The following FGGY variants were observed in gnomAD, a reference collection of about 807,000 sequenced individuals.
The protein encoded by FGGY is FGGY carbohydrate kinase domain-containing protein.
In FGGY, 72 loss-of-function variants were observed where a neutral mutation model predicts 71.3. The observed-to-expected ratio is 1.01, with a 90% CI of 0.84 to 1.23. The LOEUF is 1.23. Among genes scored for constraint, FGGY ranks in the 50% most tolerant of loss-of-function variants. FGGY has a pLI of 0.00. For synonymous variants in FGGY, 251 were observed against 250.3 expected (o/e 1.00, Z -0.02); for missense variants, 668 against 682.3 (o/e 0.98, Z 0.23).
chr1:59,423,380 G>A (rs1021711249), intron 5 of FGGY, among the ~76,000 whole-genome samples: 21 of 152,062 alleles, frequency 1.4e-4, no homozygotes, highest in Admixed American at 1.0e-3. Flanking sequence ...TTGTGCCAAC[G>A]TGGACACCAT....
At chr1:59,483,068 A>T (rs1386719237) in intron 6 of FGGY, among the ~76,000 whole-genome samples, 1 of 152,138 alleles carries the variant, frequency 6.6e-6, no homozygotes, top group African/African-American at 2.4e-5. Context: ...GTTCCCAGCC[A>T]CACTTTGAGA....
intron 5 of FGGY, among the ~76,000 whole-genome samples, chr1:59,440,148 G>C (rs1022264201): frequency 4.0e-5 from 6 of 149,292 alleles, no homozygotes; most frequent in Non-Finnish European, 8.9e-5. Context: ...ATTGAATTTA[G>C]GCCATTTTTT....
chr1:59,631,439 G>A (rs894036449), intron 10 of FGGY, among the ~76,000 whole-genome samples: 2 of 152,174 alleles, frequency 1.3e-5, no homozygotes, highest in African/African-American at 4.8e-5. Context: ...AAAGGAAAGT[G>A]CATCTGTGTC....
intron 9 of FGGY, among the ~76,000 whole-genome samples, chr1:59,615,963 C>G (rs929873026): frequency 1.2e-4 from 19 of 152,120 alleles, no homozygotes; most frequent in Admixed American, 1.1e-3. Context: ...TCTCACACCA[C>G]TTAGAATGGC....
chr1:59,638,191 A>G (rs2096980988), intron 10 of FGGY, 37 bp from the exon 11 acceptor site: 1 of 1,602,800 alleles, frequency 6.2e-7, no homozygotes. Context: ...CCCTGACCCT[A>G]TCCCCCCTTT....
chr1:59,381,931 T>G (rs1014651764), intron 5 of FGGY, among the ~76,000 whole-genome samples: 5 of 152,068 alleles, frequency 3.3e-5, no homozygotes, highest in Non-Finnish European at 7.4e-5. Context: ...ACAGAGTGAG[T>G]GTATGTGTGG....
chr1:59,362,442 A>G (rs2055747805), intron 4 of FGGY, among the ~76,000 whole-genome samples: 1 of 152,194 alleles, frequency 6.6e-6, no homozygotes, highest in Non-Finnish European at 1.5e-5. Flanking sequence ...GGTGGCTCCC[A>G]TTCTTTTCTG....
chr1:59,697,043 G>C (rs567433263), intron 14 of FGGY, among the ~76,000 whole-genome samples: 1 of 152,114 alleles, frequency 6.6e-6, no homozygotes, highest in South Asian at 2.1e-4. Context: ...AAGTGGCGAG[G>C]AAATACCACA....
At position 59,683,589 on chromosome 1, in the gene FGGY, T is replaced by A. The variant is rs1291922616; in HGVS notation, c.1512+9456T>A. Among the ~76,000 whole-genome samples, 3 of 152,206 alleles carry A rather than the reference T, an allele frequency of 2.0e-5. No individual in the cohort carries two copies. The East Asian group carries it at 5.8e-4, about 29-fold the overall frequency. ...GAGATGAATTCAGTTTGTTTCTAAG[T>A]GGCTGTTGTCTGTTGCCATCTCTTT... is the stretch of plus-strand genomic sequence containing the variant. On this transcript the variant is annotated intron_variant, in intron 14 of 15. Transcript: ENST00000303721.
intron 4 of FGGY, among the ~76,000 whole-genome samples, chr1:59,374,195 A>C (rs2058235584): frequency 1.3e-5 from 2 of 152,248 alleles, no homozygotes; most frequent in African/African-American, 4.8e-5. Flanking sequence ...ATGAACTCAA[A>C]CAAATTTACA....
chr1:59,591,500 G>C (rs1227439752), intron 8 of FGGY, among the ~76,000 whole-genome samples: 1 of 148,608 alleles, frequency 6.7e-6, no homozygotes, highest in African/African-American at 2.5e-5. Flanking sequence ...TAAGCCAAAA[G>C]AACAAACTGG....
At chr1:59,370,076 C>T (rs568495966) in intron 4 of FGGY, among the ~76,000 whole-genome samples, 13 of 152,186 alleles carry the variant, frequency 8.5e-5, no homozygotes, top group East Asian at 1.9e-4. Context: ...ATGACTTTGA[C>T]GAGTTGAGAG....
chr1:59,542,843 A>G (rs11577233), intron 7 of FGGY, among the ~76,000 whole-genome samples: 25,415 of 152,032 alleles, frequency 0.17, 2,526 homozygotes, highest in South Asian at 0.34. Context: ...GGTCATGTAA[A>G]TGGTGATATC....
At chr1:59,585,795 A>G (rs898111961) in intron 8 of FGGY, among the ~76,000 whole-genome samples, 3 of 152,226 alleles carry the variant, frequency 2.0e-5, no homozygotes, top group African/African-American at 7.2e-5. Flanking sequence ...AATATCCAGA[A>G]TCTACAAAGA....
chr1:59,318,368 G>C (rs529462294), intron 1 of FGGY, among the ~76,000 whole-genome samples: 4 of 152,286 alleles, frequency 2.6e-5, no homozygotes, highest in African/African-American at 7.2e-5. Flanking sequence ...CTGTATGCCA[G>C]GCACTGGGCT....
intron 7 of FGGY, among the ~76,000 whole-genome samples, chr1:59,519,721 A>G (rs980093591): frequency 6.6e-6 from 1 of 152,240 alleles, no homozygotes; most frequent in Admixed American, 6.5e-5. Flanking sequence ...TCTACCTGAT[A>G]CTGCTCAGAC....
chr1:59,691,380 G>T (rs896920339), intron 14 of FGGY, among the ~76,000 whole-genome samples: 3 of 152,134 alleles, frequency 2.0e-5, no homozygotes, highest in Admixed American at 2.0e-4. Flanking sequence ...GCACGGAGGG[G>T]TGTCAGCTCA....
Position 59,622,325 on chromosome 1 carries a change from G to T in FGGY, c.1012-3663G>T, listed in dbSNP as rs74086248. On this transcript the variant is annotated intron_variant, in intron 9 of 15. Coordinates refer to ENST00000303721, the MANE Select transcript of FGGY (RefSeq NM_018291.5). Reference sequence around the variant, plus strand: ...GTTCACTAAGTGGCTTTTCTCTTAAGTATGGATTACATTTTCCTGTTCCTC... The same window carrying T: ...GTTCACTAAGTGGCTTTTCTCTTAATTATGGATTACATTTTCCTGTTCCTC... Among the ~76,000 whole-genome samples, 535 of 152,138 alleles carry T rather than the reference G, an allele frequency of 3.5e-3. 4 individuals carry two copies. The highest frequency in any genetic ancestry group is 0.012 in the African/African-American group (511 of 41,520).
chr1:59,438,540 C>A (rs958127056), intron 5 of FGGY, among the ~76,000 whole-genome samples: 3 of 152,154 alleles, frequency 2.0e-5, no homozygotes, highest in Admixed American at 6.5e-5. Flanking sequence ...TCTAAACACT[C>A]AAAGTGCCAA....
Sources: allele counts gnomAD v4.1 joint callset (sites outside exome capture counted in the v4.1 genomes callset), GRCh38; gene constraint gnomAD v4.1.1; transcripts MANE v1.5; gene names NCBI Gene and HGNC (gene_info 2026-07-23, HGNC 2026-07-21).